Variants in UNC13B observed in about 807,000 individuals in gnomAD.
UNC13B encodes protein unc-13 homolog B.
A neutral mutation model predicts 211.0 loss-of-function variants in UNC13B; 144 were observed. The ratio of observed to expected loss-of-function variants is 0.68; its 90% CI spans 0.60 to 0.78. The LOEUF is 0.78. UNC13B is among the 30% of genes least tolerant of loss of function. The pLI, the probability that UNC13B is intolerant of heterozygous loss-of-function variation, is 0.00. For missense variants in UNC13B, 1,777 were observed against 2,002.0 expected, an observed-to-expected ratio of 0.89 and a Z score of 2.14; for synonymous variants, 709 against 725.8, an observed-to-expected ratio of 0.98 and a Z score of 0.37.
intron 7 of UNC13B, among the ~76,000 whole-genome samples, chr9:35,275,644 G>A (rs1390789854): frequency 6.6e-6 from 1 of 152,130 alleles, no homozygotes; most frequent in African/African-American, 2.4e-5. Flanking sequence ...CCAGGTTGGA[G>A]CGTAGTGGTG....
intron 1 of UNC13B, among the ~76,000 whole-genome samples, chr9:35,215,340 C>T (rs1314314656): frequency 2.6e-5 from 4 of 152,088 alleles, no homozygotes; most frequent in Non-Finnish European, 4.4e-5. Flanking sequence ...GAGGTCAAGG[C>T]GGCAGTCAGC....
intron 1 of UNC13B, among the ~76,000 whole-genome samples, chr9:35,192,304 G>A (rs1822701436): frequency 6.6e-6 from 1 of 152,170 alleles, no homozygotes; most frequent in Non-Finnish European, 1.5e-5. Context: ...CGACAATGAT[G>A]TTTCCTCTAT....
At chr9:35,181,398 T>G (rs748763672) in intron 1 of UNC13B, among the ~76,000 whole-genome samples, 2 of 152,248 alleles carry the variant, frequency 1.3e-5, no homozygotes, top group Admixed American at 6.5e-5. Flanking sequence ...TTTATTGACA[T>G]ATAGTAACTG....
intron 8 of UNC13B, among the ~76,000 whole-genome samples, chr9:35,299,557 A>G (rs1829569067): frequency 1.3e-5 from 2 of 152,212 alleles, no homozygotes. Flanking sequence ...TTAGAAAAAT[A>G]AAAGAATTCT....
chr9:35,384,681 C>G, intron 22 of UNC13B: 1 of 985,400 alleles, frequency 1.0e-6, no homozygotes, highest in East Asian at 1.1e-4. Flanking sequence ...TTTCCATACT[C>G]TCCTCGTTTT....
In UNC13B at chr9:35,189,577, A is replaced by G. The variant is rs547231483; in HGVS notation, c.22+27272A>G. ...TAAGTGCTTATTTTTCTTTAACCCA[A>G]TTAGAGCTCTTTTTATAGACATTAC... On this transcript the variant is annotated intron_variant, in intron 1 of 39. Coordinates refer to ENST00000635942, the MANE Select transcript of UNC13B (RefSeq NM_001371189.2). Among the ~76,000 whole-genome samples the G allele has an allele frequency of 7.5e-4, 114 of 152,310 alleles. 1 individual carries two copies. The highest frequency in any genetic ancestry group is 1.5e-3 in the Non-Finnish European group (100 of 68,016).
At chr9:35,336,199 C>T (rs1340711154) in intron 11 of UNC13B, among the ~76,000 whole-genome samples, 1 of 152,142 alleles carries the variant, frequency 6.6e-6, no homozygotes, top group Non-Finnish European at 1.5e-5. Context: ...ATCCAGCTTC[C>T]TGTGGATATT....
chr9:35,352,696 G>C (rs1262176415), intron 11 of UNC13B: 2 of 1,232,122 alleles, frequency 1.6e-6, no homozygotes, highest in Non-Finnish European at 2.0e-6. Context: ...ATGTGCCCAA[G>C]CTAGGGGATG....
At chr9:35,320,106 A>C (rs1256589369) in intron 11 of UNC13B, among the ~76,000 whole-genome samples, 1 of 152,200 alleles carries the variant, frequency 6.6e-6, no homozygotes, top group African/African-American at 2.4e-5. Flanking sequence ...TCCATGATGC[A>C]TATGTACCAC....
intron 1 of UNC13B, among the ~76,000 whole-genome samples, chr9:35,165,939 C>A (rs1006270824): frequency 7.2e-5 from 11 of 152,078 alleles, no homozygotes; most frequent in Non-Finnish European, 1.2e-4. Flanking sequence ...TTGGTATTCA[C>A]GACCAAGTTT....
intron 17 of UNC13B, among the ~76,000 whole-genome samples, chr9:35,379,174 G>A (rs756113869): frequency 1.3e-5 from 2 of 152,098 alleles, no homozygotes; most frequent in African/African-American, 4.8e-5. Flanking sequence ...TAAGGCCAGC[G>A]TGGTGGCTCA....
Position 35,301,798 on chromosome 9 carries a change from C to T in UNC13B, c.2394C>T (p.Asp798=). The T allele has an allele frequency of 2.5e-6, 1 of 398,778 alleles. No individual in the cohort carries two copies. The highest frequency in any genetic ancestry group is 4.4e-6 in the Non-Finnish European group (1 of 225,882). The allele number at this position is 398,778 out of a possible 1,614,324, so 24.7% of individuals were successfully genotyped here. A position where few individuals can be genotyped will look rare whatever the true frequency, so the allele number is the denominator to read the frequency against. ...TATTTTCAAAGCCATTAGAGGAGGACAAAGTTACAGGTAATGATGATTTCC... is the reference window on the plus strand; with the variant it reads ...TATTTTCAAAGCCATTAGAGGAGGATAAAGTTACAGGTAATGATGATTTCC... ...KEVFSKPLEE[D]KVTGNDDFLE... The change falls in exon 9 of 40, where the codon GAC becomes GAT. Residue 798 remains aspartate (D), a synonymous_variant. Transcript: ENST00000635942.
chr9:35,294,658 T>G (rs569077686), intron 7 of UNC13B, among the ~76,000 whole-genome samples: 3 of 152,220 alleles, frequency 2.0e-5, no homozygotes, highest in Non-Finnish European at 4.4e-5. Flanking sequence ...GCTAAAAGTA[T>G]CTCCATTTTG....
At chr9:35,370,146 C>G (rs1461737571) in intron 12 of UNC13B, among the ~76,000 whole-genome samples, 172 bp from the exon 13 acceptor site, 1 of 152,234 alleles carries the variant, frequency 6.6e-6, no homozygotes, top group Non-Finnish European at 1.5e-5. Context: ...GCTCACTCTT[C>G]CATGACTTTA....
chr9:35,268,415 C>G (rs536041960), intron 7 of UNC13B, among the ~76,000 whole-genome samples: 4 of 152,098 alleles, frequency 2.6e-5, no homozygotes, highest in Non-Finnish European at 5.9e-5. Flanking sequence ...GTCAAGAGAT[C>G]GAGACCATCC....
rs1228330745 is a variant in UNC13B at position 35,398,990 on chromosome 9, T to G, written c.12030T>G (p.Asp4010Glu). The change falls in exon 33 of 40, where the codon GAT becomes GAG. Residue 4010 changes from aspartate (D) to glutamate (E), a missense_variant. Physicochemically the swap from Asp to Glu is conservative, Grantham distance 45 (BLOSUM62 2). Transcript: ENST00000635942. ...ACGCCAGGGCCTCAGCGGCTCAGGATGCAGATAGCGTACTCCGGCCTCTCA... is the reference window on the plus strand; with the variant it reads ...ACGCCAGGGCCTCAGCGGCTCAGGAGGCAGATAGCGTACTCCGGCCTCTCA... ...SPDARASAAQDADSVLRPLMD... is the reference protein window; with the variant it reads ...SPDARASAAQEADSVLRPLMD... 6.2e-7 allele frequency: 1 copy of G among 1,614,058 alleles called. No individual in the cohort carries two copies. The highest frequency in any genetic ancestry group is 1.3e-5 in the African/African-American group (1 of 74,918).
In UNC13B at chr9:35,391,269, G is replaced by A. The variant is rs1193127408; in HGVS notation, c.11308+555G>A. Among the ~76,000 whole-genome samples the A allele has an allele frequency of 2.0e-5, 3 of 152,014 alleles. No homozygotes were observed. The East Asian group carries it at 5.8e-4, about 29-fold the overall frequency. On this transcript the variant is annotated intron_variant, in intron 26 of 39. Coordinates refer to ENST00000635942, the MANE Select transcript of UNC13B (RefSeq NM_001371189.2). ...GTTCTTTTATTCATTTCCTACCTTGGTCCACAAAGATATCATTCCATACCT... is the reference window on the plus strand; with the variant it reads ...GTTCTTTTATTCATTTCCTACCTTGATCCACAAAGATATCATTCCATACCT...
At chr9:35,340,164 CCT>C (rs1216282287) in intron 11 of UNC13B, among the ~76,000 whole-genome samples, 1 of 152,144 alleles carries the variant, frequency 6.6e-6, no homozygotes, top group Non-Finnish European at 1.5e-5. Flanking sequence ...TTATTTTTTT[CCT>C]CTGTGTTTAG....
chr9:35,218,236 G>T (rs1453193720), intron 1 of UNC13B, among the ~76,000 whole-genome samples: 1 of 152,052 alleles, frequency 6.6e-6, no homozygotes, highest in Non-Finnish European at 1.5e-5. Flanking sequence ...AAACTTATCA[G>T]TGAAAAATAT....
Sources: gnomAD v4.1 joint callset for allele counts (sites outside exome capture counted in the v4.1 genomes callset) on GRCh38, gnomAD v4.1.1 for gene constraint, MANE v1.5 for transcripts, NCBI Gene and HGNC (gene_info 2026-07-23, HGNC 2026-07-21) for gene names.